The following PYGL variants were observed in gnomAD, a reference collection of about 807,000 sequenced individuals.
PYGL encodes the protein glycogen phosphorylase L.
Under a neutral mutation model 100.1 loss-of-function variants are expected in PYGL, and 90 were observed. The ratio of observed to expected loss-of-function variants is 0.90; its 90% CI spans 0.76 to 1.07. The LOEUF is 1.07. Ranked by LOEUF, PYGL falls within the 50% of genes least tolerant of loss-of-function variation. The probability of loss-of-function intolerance (pLI) is 0.00; values close to 1 mark genes in which losing one functional copy is unlikely to be tolerated. For missense variants in PYGL, 1,016 were observed against 1,057.6 expected, an observed-to-expected ratio of 0.96 and a Z score of 0.55; for synonymous variants, 373 against 393.0, an observed-to-expected ratio of 0.95 and a Z score of 0.60.
intron 17 of PYGL, 120 bp from the exon 18 acceptor site, chr14:50,909,075 A>G: frequency 8.8e-7 from 1 of 1,141,592 alleles, no homozygotes; most frequent in Admixed American, 2.0e-5. Flanking sequence ...TAGCATTCAA[A>G]GACTTCATTA....
At chr14:50,920,707 G>A (rs905473888) in intron 6 of PYGL, 84 bp from the exon 7 acceptor site, 6 of 1,369,306 alleles carry the variant, frequency 4.4e-6, no homozygotes, top group Non-Finnish European at 6.2e-6. Context: ...TCTGTGCTGT[G>A]TGTCATGTGG....
At chr14:50,928,580 AGAG>A (rs1466484652) in intron 4 of PYGL, among the ~76,000 whole-genome samples, 2 of 152,204 alleles carry the variant, frequency 1.3e-5, no homozygotes, top group East Asian at 3.8e-4. Context: ...CTATTTTCAT[AGAG>A]GACTGTTACT....
rs190588867 is a variant in PYGL, at chr14:50,905,314, C to T, written c.*78G>A. ...TCAACTATTATAGATTATTAGCTAA[C>T]AAAACAAAAACCAGTGAATGTTGTA... is the stretch of plus-strand genomic sequence containing the variant. On this transcript the variant is annotated 3_prime_UTR_variant, in exon 20 of 20. Transcript: ENST00000216392. 2,826 of 1,452,916 alleles carry T rather than the reference C, an allele frequency of 1.9e-3. 4 individuals are homozygous for T. The highest frequency in any genetic ancestry group is 2.6e-3 in the Non-Finnish European group (2,647 of 1,037,908). The allele number at this position is 1,452,916 out of a possible 1,614,324, so 90.0% of individuals were successfully genotyped here. A position where few individuals can be genotyped will look rare whatever the true frequency, so the allele number is the denominator to read the frequency against.
At position 50,908,409 on chromosome 14, in the gene PYGL, T is replaced by C. The variant is rs76731344; in HGVS notation, c.2313-72A>G. 0.014 allele frequency: 19,203 copies of C among 1,333,962 alleles called. 199 individuals are homozygous for C. Among genetic ancestry groups the C allele is most frequent in the Non-Finnish European group, 0.018 (17,016 of 928,758 alleles). 82.6% of individuals were successfully genotyped at this position (1,333,962 alleles called of 1,614,324 possible). A position where few individuals can be genotyped will look rare whatever the true frequency, so the allele number is the denominator to read the frequency against. On this transcript the variant is annotated intron_variant, in intron 18 of 19. Transcript: ENST00000216392. ...TTAATAGATATATGCTAAAATTCCATGTAAAATCATCTTTTGCTTAATATC... is the reference window on the plus strand; with the variant it reads ...TTAATAGATATATGCTAAAATTCCACGTAAAATCATCTTTTGCTTAATATC...
chr14:50,940,298 A>G (rs752086383), intron 1 of PYGL, among the ~76,000 whole-genome samples: 5 of 152,242 alleles, frequency 3.3e-5, no homozygotes, highest in Admixed American at 6.5e-5. Context: ...AGTAATCTAC[A>G]AAAAGCTTGT....
At chr14:50,905,659 G>C in intron 19 of PYGL, 103 bp from the exon 20 acceptor site, 1 of 1,139,526 alleles carries the variant, frequency 8.8e-7, no homozygotes, top group Non-Finnish European at 1.3e-6. Flanking sequence ...GAGGGAAAAT[G>C]ACAGGAATAA....
chr14:50,908,441 G>T, intron 18 of PYGL, 104 bp from the exon 19 acceptor site: 1 of 1,074,582 alleles, frequency 9.3e-7, no homozygotes, highest in Non-Finnish European at 1.4e-6. Context: ...TATCAGGCAT[G>T]GCTGGTTTAC....
In PYGL at chr14:50,912,195, G is replaced by C. The variant is rs149096315; in HGVS notation, c.1729C>G (p.Gln577Glu). ...ATCACATGCAGACAGTTCAAGAGCT[G>C]TCGCTTGTACTCATGTATCCTCTTC... Reference protein sequence around the residue: ...QVKRIHEYKRQLLNCLHVITM... With the variant: ...QVKRIHEYKRELLNCLHVITM... Residue 577 changes from glutamine to glutamate, a missense_variant, in exon 14 of 20, where the codon CAG becomes GAG. Transcript: ENST00000216392. The C allele has an allele frequency of 6.2e-7, 1 of 1,614,082 alleles. No individual in the cohort carries two copies. Among genetic ancestry groups the C allele is most frequent in the Admixed American group, 1.7e-5 (1 of 60,002 alleles).
chr14:50,920,865 T>A, intron 6 of PYGL, 91 bp downstream of exon 6: 2 of 1,342,614 alleles, frequency 1.5e-6, no homozygotes, highest in Non-Finnish European at 2.1e-6. Context: ...CTCAAGGCTT[T>A]TTTGTTTGTT....
At chr14:50,912,822 C>T (rs549950124) in intron 13 of PYGL, among the ~76,000 whole-genome samples, 5 of 152,242 alleles carry the variant, frequency 3.3e-5, no homozygotes, top group South Asian at 4.2e-4. Flanking sequence ...GGCGTGGTGG[C>T]GGGCGCCTGT....
At chr14:50,922,470 G>A (rs2050511062) in intron 5 of PYGL, among the ~76,000 whole-genome samples, 1 of 152,132 alleles carries the variant, frequency 6.6e-6, no homozygotes, top group Non-Finnish European at 1.5e-5. Flanking sequence ...ATCAATCAGG[G>A]AAAGTCATTT....
rs752728057 is a variant in PYGL, at chr14:50,924,008, T to C, written c.621A>G (p.Val207=). Residue 207 remains valine, a synonymous_variant, in exon 5 of 20, where the codon GTA becomes GTG. Coordinates refer to ENST00000216392, the MANE Select transcript of PYGL (RefSeq NM_002863.5). ...FMLPVHFYGK[V]EHTNTGTKWI... ...ACTTGGTCCCGGTGTTGGTGTGTTC[T>C]ACTTTTCCATAGAAGTGCACAGGCA... is the stretch of plus-strand genomic sequence containing the variant. The C allele has an allele frequency of 5.4e-5, 87 of 1,613,916 alleles. No individual in the cohort carries two copies. Among genetic ancestry groups the C allele is most frequent in the Non-Finnish European group, 5.8e-5 (68 of 1,179,896 alleles).
At position 50,915,956 on chromosome 14, in the gene PYGL, G is replaced by A; in HGVS notation, c.1108C>T (p.Gln370Ter). ...LPWSKAWELT[Q>*]KTFAYTNHTV... ...TGGTTGGTGTAGGCGAAGGTCTTCT[G>A]GGTGAGCTCCCATGCCTGGGGGAAA... Residue 370 changes from glutamine (Q) to a stop codon, truncating the protein, a stop_gained, in exon 10 of 20, where the codon CAG becomes TAG. Transcript: ENST00000216392. LOFTEE classifies it high-confidence loss of function. 1 of 1,614,064 alleles carries A rather than the reference G, an allele frequency of 6.2e-7. No homozygotes were observed. The highest frequency in any genetic ancestry group is 8.5e-7 in the Non-Finnish European group (1 of 1,179,944).
intron 3 of PYGL, among the ~76,000 whole-genome samples, chr14:50,934,072 A>G (rs1309451667): frequency 6.6e-6 from 1 of 152,196 alleles, no homozygotes; most frequent in East Asian, 1.9e-4. Context: ...GTAGATATCA[A>G]GTGGAATTAC....
chr14:50,931,261 AG>A (rs2050598474), intron 4 of PYGL, among the ~76,000 whole-genome samples: 1 of 147,754 alleles, frequency 6.8e-6, no homozygotes, highest in Non-Finnish European at 1.5e-5. Context: ...TCAGAGACTC[AG>A]TGTTCTCACC....
At chr14:50,926,508 A>G (rs1031298420) in intron 4 of PYGL, among the ~76,000 whole-genome samples, 1 of 151,478 alleles carries the variant, frequency 6.6e-6, no homozygotes, top group Non-Finnish European at 1.5e-5. Context: ...TGGGCTGATC[A>G]TGAGGTCAGG....
Position 50,912,200 on chromosome 14 carries a change from T to C in PYGL, c.1724A>G (p.Lys575Arg). 1 of 1,614,184 alleles carries C rather than the reference T, an allele frequency of 6.2e-7. No individual in the cohort carries two copies. The highest frequency in any genetic ancestry group is 8.5e-7 in the Non-Finnish European group (1 of 1,180,028). ...ATGCAGACAGTTCAAGAGCTGTCGC[T>C]TGTACTCATGTATCCTCTTCACCTG... The part of the protein sequence containing the change: ...DVQVKRIHEY[K>R]RQLLNCLHVI... Residue 575 changes from lysine to arginine, a missense_variant, in exon 14 of 20, where the codon AAG (lysine) becomes AGG (arginine). By Grantham distance (26) the Lys-to-Arg change is conservative. Coordinates refer to ENST00000216392, the MANE Select transcript of PYGL (RefSeq NM_002863.5).
At chr14:50,919,737 AGTGGT>A (rs2050483750) in intron 7 of PYGL, among the ~76,000 whole-genome samples, 1 of 151,968 alleles carries the variant, frequency 6.6e-6, no homozygotes, top group East Asian at 1.9e-4. Flanking sequence ...GCTGGAATGC[AGTGGT>A]GCAATCTCGG....
rs570077088 is a variant in PYGL at position 50,916,728 on chromosome 14, T to C, written c.1006A>G (p.Ile336Val). 2 of 1,613,802 alleles carry C rather than the reference T, an allele frequency of 1.2e-6. No individual in the cohort carries two copies. The highest frequency in any genetic ancestry group is 1.7e-5 in the Admixed American group (1 of 60,024). ...GCAGGGTGAGTGTCATTCAGCTGGA[T>C]GGCCACCTGGGTGGGGAAAGACATC... is the stretch of plus-strand genomic sequence containing the variant. ...VFDAFPDQVAIQLNDTHPALA... is the reference protein window; with the variant it reads ...VFDAFPDQVAVQLNDTHPALA... The change falls in exon 9 of 20, where the codon ATC (isoleucine) becomes GTC (valine). Residue 336 changes from isoleucine to valine, a missense_variant. Physicochemically the swap from Ile to Val is conservative, Grantham distance 29 (BLOSUM62 3). Transcript: ENST00000216392.
Sources: gnomAD v4.1 joint callset for allele counts (sites outside exome capture counted in the v4.1 genomes callset) on GRCh38, gnomAD v4.1.1 for gene constraint, MANE v1.5 for transcripts, NCBI Gene and HGNC (gene_info 2026-07-23, HGNC 2026-07-21) for gene names.